Variants in FAM110B observed in about 807,000 individuals in gnomAD.
The protein encoded by FAM110B is protein FAM110B.
A neutral mutation model predicts 20.4 loss-of-function variants in FAM110B; 6 were observed. The ratio of observed to expected loss-of-function variants is 0.29; its 90% CI spans 0.16 to 0.58. The LOEUF (loss-of-function observed/expected upper bound fraction) is 0.58. Among genes scored for constraint, FAM110B ranks in the 20% least tolerant of loss-of-function variants. The probability of loss-of-function intolerance (pLI) is 0.90; values close to 1 mark genes in which losing one functional copy is unlikely to be tolerated. For missense variants in FAM110B, 434 were observed against 498.2 expected (o/e 0.87, Z 1.23); for synonymous variants, 226 against 214.1 (o/e 1.06, Z -0.49).
intron 3 of FAM110B, among the ~76,000 whole-genome samples, chr8:58,144,119 A>G (rs1803801672): frequency 6.6e-6 from 1 of 152,184 alleles, no homozygotes; most frequent in Non-Finnish European, 1.5e-5. Flanking sequence ...TTCCCACTCT[A>G]GTCCTCAGGC....
At chr8:58,041,141 A>T (rs1468832193) in intron 2 of FAM110B, among the ~76,000 whole-genome samples, 1 of 151,984 alleles carries the variant, frequency 6.6e-6, no homozygotes, top group Non-Finnish European at 1.5e-5. Context: ...GGTTTTCCCC[A>T]TGTTGGCCAG....
chr8:58,137,306 T>A (rs1803641188), intron 3 of FAM110B, among the ~76,000 whole-genome samples: 1 of 152,204 alleles, frequency 6.6e-6, no homozygotes. Context: ...ATGCCTGTAA[T>A]CCCAGCACTT....
intron 3 of FAM110B, among the ~76,000 whole-genome samples, chr8:58,118,306 A>G (rs1807268991): frequency 6.6e-6 from 1 of 152,226 alleles, no homozygotes; most frequent in South Asian, 2.1e-4. Context: ...CCAGAGATTA[A>G]GCCTCAGTCA....
chr8:58,112,680 A>G (rs796276931), intron 3 of FAM110B, among the ~76,000 whole-genome samples: 2 of 152,160 alleles, frequency 1.3e-5, no homozygotes, highest in South Asian at 4.1e-4. Context: ...GTTCCAGTTG[A>G]GTGCTGGTTC....
intron 3 of FAM110B, among the ~76,000 whole-genome samples, chr8:58,088,893 TC>T (rs1237561213): frequency 1.3e-5 from 2 of 152,232 alleles, no homozygotes; most frequent in Non-Finnish European, 2.9e-5. Flanking sequence ...GTGACATTTT[TC>T]CTTGTTACAA....
intron 1 of FAM110B, among the ~76,000 whole-genome samples, chr8:58,022,972 G>A (rs1204744725): frequency 6.6e-6 from 1 of 152,190 alleles, no homozygotes; most frequent in East Asian, 1.9e-4. Flanking sequence ...ATGAGACTTA[G>A]AGTCCCTGCA....
intron 3 of FAM110B, among the ~76,000 whole-genome samples, chr8:58,102,158 G>T (rs1194479891): frequency 6.6e-6 from 1 of 152,184 alleles, no homozygotes. Context: ...CATGTTAAGA[G>T]ACCCAGACTG....
intron 1 of FAM110B, among the ~76,000 whole-genome samples, chr8:58,022,795 G>T (rs560025072): frequency 6.6e-6 from 1 of 152,290 alleles, no homozygotes; most frequent in South Asian, 2.1e-4. Context: ...ACCTGCTCTG[G>T]AAAGCACTTG....
chr8:58,056,631 G>A (rs1805552041), intron 2 of FAM110B, among the ~76,000 whole-genome samples: 1 of 152,210 alleles, frequency 6.6e-6, no homozygotes, highest in South Asian at 2.1e-4. Flanking sequence ...TGCTTTGATG[G>A]AAATCACATG....
At chr8:58,024,952 T>C (rs1804824046) in intron 1 of FAM110B, among the ~76,000 whole-genome samples, 2 of 152,346 alleles carry the variant, frequency 1.3e-5, no homozygotes, top group South Asian at 2.1e-4. Context: ...TGTAGACTTA[T>C]AATAATGGTA....
intron 1 of FAM110B, among the ~76,000 whole-genome samples, chr8:58,022,394 TG>T (rs1804773768): frequency 6.6e-6 from 1 of 151,840 alleles, no homozygotes; most frequent in African/African-American, 2.4e-5. Context: ...TAGGGGTGAA[TG>T]GGGGTACAGA....
chr8:58,109,072 A>G (rs1278301133), intron 3 of FAM110B, among the ~76,000 whole-genome samples: 1 of 151,888 alleles, frequency 6.6e-6, no homozygotes, highest in Non-Finnish European at 1.5e-5. Context: ...TTCCTCTTTT[A>G]CCTCTTACAG....
At chr8:58,132,375 G>T (rs1279336482) in intron 3 of FAM110B, among the ~76,000 whole-genome samples, 1 of 151,674 alleles carries the variant, frequency 6.6e-6, no homozygotes, top group Non-Finnish European at 1.5e-5. Flanking sequence ...GGCTGGGGGT[G>T]GTGAGGGGGG....
rs113340023 is a variant in FAM110B, at chr8:58,050,211, CT to C, written c.-414+18519del. Among the ~76,000 whole-genome samples, 232 of 146,610 alleles carry C rather than the reference CT, an allele frequency of 1.6e-3. 1 individual carries two copies. Among genetic ancestry groups the C allele is most frequent in the African/African-American group, 4.9e-3 (197 of 40,340 alleles). On this transcript the variant is annotated intron_variant, in intron 2 of 3. Transcript: ENST00000519262. ...TTCTTCAGCAACCTCTTATACTTTT[CT>C]TTTTTTTTTTAACATGTTCACATCT...
intron 3 of FAM110B, among the ~76,000 whole-genome samples, chr8:58,084,610 G>A (rs1472981010): frequency 6.6e-6 from 1 of 152,058 alleles, no homozygotes; most frequent in Non-Finnish European, 1.5e-5. Context: ...GGATGGTCTC[G>A]ATCTCTTGAC....
intron 2 of FAM110B, among the ~76,000 whole-genome samples, chr8:58,068,336 C>T (rs574566360): frequency 6.6e-6 from 1 of 152,144 alleles, no homozygotes; most frequent in Non-Finnish European, 1.5e-5. Flanking sequence ...TCAGGGTTTG[C>T]GTATGTGTTT....
intron 1 of FAM110B, among the ~76,000 whole-genome samples, chr8:58,016,891 G>T (rs910545447): frequency 1.3e-5 from 2 of 152,158 alleles, no homozygotes; most frequent in Non-Finnish European, 2.9e-5. Context: ...CTAAGAGAAG[G>T]TAGATGTTAG....
chr8:58,022,055 G>A (rs1804766631), intron 1 of FAM110B, among the ~76,000 whole-genome samples: 2 of 152,186 alleles, frequency 1.3e-5, no homozygotes, highest in Admixed American at 1.3e-4. Context: ...GGTGCTGTTG[G>A]TGCTAGTCTC....
chr8:58,083,087 G>A (rs1281626275), intron 3 of FAM110B, among the ~76,000 whole-genome samples: 2 of 151,438 alleles, frequency 1.3e-5, no homozygotes, highest in Non-Finnish European at 2.9e-5. Context: ...ATGAAGGAAA[G>A]TCACTGTACG....
Sources: gnomAD v4.1 joint callset for allele counts (sites outside exome capture counted in the v4.1 genomes callset) on GRCh38, gnomAD v4.1.1 for gene constraint, MANE v1.5 for transcripts, NCBI Gene and HGNC (gene_info 2026-07-23, HGNC 2026-07-21) for gene names.